HS6ST3: variants seen among roughly 807,000 people sequenced by gnomAD.
HS6ST3 encodes the protein heparan-sulfate 6-O-sulfotransferase 3.
A neutral mutation model predicts 36.7 loss-of-function variants in HS6ST3; 12 were observed. The observed-to-expected ratio is 0.33, with a 90% CI of 0.21 to 0.53. HS6ST3 has a LOEUF of 0.53. Ranked by LOEUF, HS6ST3 falls within the 20% of genes least tolerant of loss-of-function variation. The pLI is 0.95. For synonymous variants in HS6ST3, 240 were observed against 257.5 expected (o/e 0.93, Z 0.65); for missense variants, 584 against 640.9 (o/e 0.91, Z 0.96).
chr13:96,289,599 A>G (rs1051028075), intron 1 of HS6ST3, among the ~76,000 whole-genome samples: 4 of 152,222 alleles, frequency 2.6e-5, no homozygotes, highest in Admixed American at 1.3e-4. Context: ...TAAATTAAAA[A>G]ATAAAATTCA....
intron 1 of HS6ST3, among the ~76,000 whole-genome samples, chr13:96,441,319 G>T (rs1199798076): frequency 1.3e-5 from 2 of 151,992 alleles, no homozygotes; most frequent in East Asian, 3.9e-4. Flanking sequence ...GGGGACTGGG[G>T]AGCATCAAGA....
At chr13:96,306,081 A>G (rs1594748696) in intron 1 of HS6ST3, among the ~76,000 whole-genome samples, 1 of 147,242 alleles carries the variant, frequency 6.8e-6, no homozygotes, top group South Asian at 2.2e-4. Flanking sequence ...ACAGATGCGC[A>G]CCACCATGCC....
intron 1 of HS6ST3, among the ~76,000 whole-genome samples, chr13:96,254,185 G>A (rs1369185908): frequency 6.6e-6 from 1 of 151,684 alleles, no homozygotes; most frequent in African/African-American, 2.4e-5. Context: ...GGAGGCTGAG[G>A]CAGGCAGATC....
chr13:96,253,407 A>G lies in HS6ST3; in HGVS notation c.707+161838A>G, dbSNP rs146081091. 2.6e-4 allele frequency among the ~76,000 whole-genome samples: 39 copies of G among 152,134 alleles called. No homozygotes were observed. The East Asian group carries it at 5.2e-3, about 20-fold the overall frequency. Reference sequence around the variant, plus strand: ...ATCATGGGCCAAGGGGGCCTTTCGTACTTAGCTGTGCCACTTTGGAAAGGG... The same window carrying G: ...ATCATGGGCCAAGGGGGCCTTTCGTGCTTAGCTGTGCCACTTTGGAAAGGG... On this transcript the variant is annotated intron_variant, in intron 1 of 1. Coordinates refer to ENST00000376705, the MANE Select transcript of HS6ST3 (RefSeq NM_153456.4).
At chr13:96,197,300 T>A (rs1001083947) in intron 1 of HS6ST3, among the ~76,000 whole-genome samples, 1 of 152,084 alleles carries the variant, frequency 6.6e-6, no homozygotes, top group Admixed American at 6.5e-5. Flanking sequence ...GATAAACCCA[T>A]CAGATCTTGT....
At chr13:96,513,082 A>G (rs1243646828) in intron 1 of HS6ST3, among the ~76,000 whole-genome samples, 1 of 151,998 alleles carries the variant, frequency 6.6e-6, no homozygotes, top group Non-Finnish European at 1.5e-5. Context: ...AATTCTATGG[A>G]CTTCTGCACT....
Position 96,331,830 on chromosome 13 carries a change from G to C in HS6ST3, c.707+240261G>C, listed in dbSNP as rs1342334706. 2.6e-5 allele frequency among the ~76,000 whole-genome samples: 4 copies of C among 152,236 alleles called. 1 individual carries two copies. The highest frequency in any genetic ancestry group is 9.6e-5 in the African/African-American group (4 of 41,546). ...TCAGACTGCTGTGCTAGCAATCAGC[G>C]AGACTCCGTGGGCGCAGGACCCTCC... is the stretch of plus-strand genomic sequence containing the variant. On this transcript the variant is annotated intron_variant, in intron 1 of 1. Coordinates refer to ENST00000376705, the MANE Select transcript of HS6ST3 (RefSeq NM_153456.4).
chr13:96,522,727 C>T (rs2056098700), intron 1 of HS6ST3, among the ~76,000 whole-genome samples: 1 of 151,950 alleles, frequency 6.6e-6, no homozygotes, highest in Non-Finnish European at 1.5e-5. Flanking sequence ...AGATCTTCCT[C>T]CATCCCTTTA....
At chr13:96,233,881 A>G (rs530101555) in intron 1 of HS6ST3, among the ~76,000 whole-genome samples, 8 of 152,290 alleles carry the variant, frequency 5.3e-5, no homozygotes, top group East Asian at 1.9e-4. Context: ...TTTAGTGTTA[A>G]GGATCAACAT....
intron 1 of HS6ST3, among the ~76,000 whole-genome samples, chr13:96,295,111 TG>T (rs1418458956): frequency 6.6e-6 from 1 of 152,122 alleles, no homozygotes; most frequent in African/African-American, 2.4e-5. Context: ...GATCAACGAA[TG>T]GGCTTTACTT....
intron 1 of HS6ST3, among the ~76,000 whole-genome samples, chr13:96,310,444 A>G (rs1020064147): frequency 3.9e-5 from 6 of 152,198 alleles, no homozygotes; most frequent in Non-Finnish European, 8.8e-5. Flanking sequence ...ATACAGGTAG[A>G]AAGTTTGAGA....
At chr13:96,817,148 C>G (rs983637543) in intron 1 of HS6ST3, among the ~76,000 whole-genome samples, 1 of 152,110 alleles carries the variant, frequency 6.6e-6, no homozygotes, top group African/African-American at 2.4e-5. Context: ...TGCATTTTAA[C>G]TGCTGTGTCA....
chr13:96,537,883 A>G (rs1378898212), intron 1 of HS6ST3, among the ~76,000 whole-genome samples: 1 of 152,186 alleles, frequency 6.6e-6, no homozygotes, highest in Non-Finnish European at 1.5e-5. Flanking sequence ...CACAGGGTAA[A>G]ATAGAGATTC....
Position 96,090,187 on chromosome 13 carries a change from A to G in HS6ST3, c.-676A>G, listed in dbSNP as rs555987139. ...GCCTGCGCCTGGGCGGACAGCCCGG[A>G]GCGGCAGTGCGACTCGCCGGGAGAG... On this transcript the variant is annotated 5_prime_UTR_variant, in exon 1 of 2. Transcript: ENST00000376705. 1.3e-5 allele frequency among the ~76,000 whole-genome samples: 2 copies of G among 151,824 alleles called. No homozygotes were observed. The highest frequency in any genetic ancestry group is 3.9e-4 in the East Asian group (2 of 5,118).
intron 1 of HS6ST3, among the ~76,000 whole-genome samples, chr13:96,126,235 G>C (rs939636768): frequency 6.6e-6 from 1 of 151,964 alleles, no homozygotes; most frequent in African/African-American, 2.4e-5. Context: ...ACCTAGTAGG[G>C]GCCATGTGGT....
At chr13:96,568,143 A>C (rs2138960135) in intron 1 of HS6ST3, among the ~76,000 whole-genome samples, 1 of 152,348 alleles carries the variant, frequency 6.6e-6, no homozygotes, top group East Asian at 1.9e-4. Flanking sequence ...GCTACCCATA[A>C]GCTCAGTAGA....
intron 1 of HS6ST3, among the ~76,000 whole-genome samples, chr13:96,511,181 T>A (rs2056048445): frequency 6.6e-6 from 1 of 152,216 alleles, no homozygotes; most frequent in Non-Finnish European, 1.5e-5. Flanking sequence ...ACCTGGATTG[T>A]ATTAAACACT....
intron 1 of HS6ST3, among the ~76,000 whole-genome samples, chr13:96,665,251 T>C (rs2138427323): frequency 6.6e-6 from 1 of 152,294 alleles, no homozygotes; most frequent in East Asian, 1.9e-4. Flanking sequence ...CATTTAGTCA[T>C]TCATGCATTC....
chr13:96,666,507 T>A (rs2056664791), intron 1 of HS6ST3, among the ~76,000 whole-genome samples: 1 of 152,142 alleles, frequency 6.6e-6, no homozygotes, highest in South Asian at 2.1e-4. Context: ...AGATTAAGAT[T>A]ATTATACTAT....
Sources: allele counts gnomAD v4.1 joint callset (sites outside exome capture counted in the v4.1 genomes callset), GRCh38; gene constraint gnomAD v4.1.1; transcripts MANE v1.5; gene names NCBI Gene and HGNC (gene_info 2026-07-23, HGNC 2026-07-21).